The following CCSER1 variants were observed in gnomAD, a reference collection of about 807,000 sequenced individuals.
CCSER1 encodes serine-rich coiled-coil domain-containing protein 1.
A neutral mutation model predicts 82.0 loss-of-function variants in CCSER1; 41 were observed. The ratio of observed to expected loss-of-function variants is 0.50; its 90% confidence interval spans 0.39 to 0.65. The LOEUF is 0.65. Ranked by LOEUF, CCSER1 falls within the 30% of genes least tolerant of loss-of-function variation. CCSER1 has a pLI of 0.00. For synonymous variants in CCSER1, 414 were observed against 383.9 expected, an observed-to-expected ratio of 1.08 and a Z score of -0.92; for missense variants, 1,119 against 1,064.2, an observed-to-expected ratio of 1.05 and a Z score of -0.72.
intron 8 of CCSER1, among the ~76,000 whole-genome samples, chr4:90,820,825 A>G (rs1759637214): frequency 6.6e-6 from 1 of 151,890 alleles, no homozygotes; most frequent in Non-Finnish European, 1.5e-5. Flanking sequence ...GTATAACACG[A>G]TGTGAAAAAC....
intron 1 of CCSER1, among the ~76,000 whole-genome samples, chr4:90,165,349 T>C (rs1293020439): frequency 6.6e-6 from 1 of 152,058 alleles, no homozygotes; most frequent in Non-Finnish European, 1.5e-5. Context: ...TAACTGCTGA[T>C]TTGGTGATGA....
At chr4:90,473,061 A>G (rs551260446) in intron 5 of CCSER1, among the ~76,000 whole-genome samples, 190 of 152,304 alleles carry the variant, frequency 1.2e-3, no homozygotes, top group African/African-American at 4.4e-3. Context: ...AGTATAACCA[A>G]GTATCCAGCT....
intron 8 of CCSER1, among the ~76,000 whole-genome samples, chr4:90,853,052 A>G (rs1764067370): frequency 6.6e-6 from 1 of 152,142 alleles, no homozygotes; most frequent in Non-Finnish European, 1.5e-5. Flanking sequence ...ATAAAGAAGT[A>G]CAAGGTTTAA....
At position 91,205,472 on chromosome 4, in the gene CCSER1, T is replaced by A. The variant is rs139167891; in HGVS notation, c.2217+119478T>A. ...TTAAGTTCATTTTACATGAGTGATG[T>A]TTAAAACAGCTAGTGACAAGAACCC... On this transcript the variant is annotated intron_variant, in intron 10 of 10. Transcript: ENST00000509176. Among the ~76,000 whole-genome samples the A allele has an allele frequency of 6.6e-4, 101 of 151,956 alleles. 2 individuals are homozygous for A. In the East Asian group the frequency reaches 0.018, roughly 27 times the overall value.
Position 90,421,027 on chromosome 4 carries a change from G to A in CCSER1, c.1603+20898G>A, listed in dbSNP as rs115007560. 1.0e-2 allele frequency among the ~76,000 whole-genome samples: 1,515 copies of A among 152,186 alleles called. 7 individuals are homozygous for A. The highest frequency in any genetic ancestry group is 0.016 in the Non-Finnish European group (1,075 of 67,958). ...TGAACAAGTAATTAAGAAAGCAAAC[G>A]CTGGTCTTTCTTCTAAAGGAATAGA... On this transcript the variant is annotated intron_variant, in intron 4 of 10. Coordinates refer to ENST00000509176, the MANE Select transcript of CCSER1 (RefSeq NM_001145065.2).
At chr4:90,285,860 A>T (rs1423689881) in intron 1 of CCSER1, among the ~76,000 whole-genome samples, 1 of 151,990 alleles carries the variant, frequency 6.6e-6, no homozygotes, top group Non-Finnish European at 1.5e-5. Context: ...GTTGAATTAT[A>T]TTAAATGATT....
At chr4:90,874,301 T>C (rs1013350933) in intron 8 of CCSER1, among the ~76,000 whole-genome samples, 4 of 152,166 alleles carry the variant, frequency 2.6e-5, no homozygotes, top group Non-Finnish European at 2.9e-5. Context: ...AGGTTTGTAT[T>C]TGAAGTTTTT....
intron 9 of CCSER1, among the ~76,000 whole-genome samples, chr4:90,948,061 T>A (rs1305259597): frequency 1.3e-5 from 2 of 152,032 alleles, no homozygotes; most frequent in South Asian, 4.1e-4. Context: ...TTTTAGTTCA[T>A]AAACAAAGTA....
intron 4 of CCSER1, among the ~76,000 whole-genome samples, chr4:90,407,542 C>A (rs1427872717): frequency 6.6e-6 from 1 of 152,096 alleles, no homozygotes; most frequent in African/African-American, 2.4e-5. Flanking sequence ...CAGGGAAAGA[C>A]ATAACAAAAG....
At chr4:91,459,176 C>A (rs1756364536) in intron 10 of CCSER1, among the ~76,000 whole-genome samples, 1 of 151,780 alleles carries the variant, frequency 6.6e-6, no homozygotes, top group South Asian at 2.1e-4. Context: ...GAAAAAGAAG[C>A]ACTGGGGATA....
At chr4:91,015,197 GT>G (rs1739323335) in intron 9 of CCSER1, among the ~76,000 whole-genome samples, 1 of 151,886 alleles carries the variant, frequency 6.6e-6, no homozygotes, top group Admixed American at 6.6e-5. Context: ...AAAACATGTG[GT>G]TATCTTCAAC....
At chr4:90,549,308 A>G (rs1407437785) in intron 5 of CCSER1, among the ~76,000 whole-genome samples, 9 of 152,178 alleles carry the variant, frequency 5.9e-5, no homozygotes, top group Non-Finnish European at 1.3e-4. Context: ...TTACAGTGAA[A>G]CTCCTCTTTC....
At chr4:90,725,783 A>C (rs1433532022) in intron 7 of CCSER1, among the ~76,000 whole-genome samples, 1 of 151,860 alleles carries the variant, frequency 6.6e-6, no homozygotes, top group Non-Finnish European at 1.5e-5. Flanking sequence ...GAATTATATA[A>C]CAAATAGAAG....
At chr4:91,230,139 C>CAAACTTTAGCCAT (rs1247374265) in intron 10 of CCSER1, among the ~76,000 whole-genome samples, 1 of 152,090 alleles carries the variant, frequency 6.6e-6, no homozygotes, top group East Asian at 1.9e-4. Flanking sequence ...ACTTTAGCCA[C>CAAACTTTAGCCAT]AAACTTTAGC....
chr4:91,047,535 T>C (rs1742617008), intron 9 of CCSER1, among the ~76,000 whole-genome samples: 1 of 152,172 alleles, frequency 6.6e-6, no homozygotes, highest in Non-Finnish European at 1.5e-5. Flanking sequence ...CCTGACTTTC[T>C]ACCAATTGGA....
At chr4:91,521,792 A>C (rs1578686543) in intron 10 of CCSER1, among the ~76,000 whole-genome samples, 1 of 152,186 alleles carries the variant, frequency 6.6e-6, no homozygotes, top group East Asian at 1.9e-4. Flanking sequence ...CCTTCATCAG[A>C]TGGGCAGATT....
chr4:90,321,432 T>C (rs1737130094), intron 3 of CCSER1, among the ~76,000 whole-genome samples: 2 of 152,200 alleles, frequency 1.3e-5, no homozygotes, highest in Non-Finnish European at 2.9e-5. Context: ...CTATTGTGTG[T>C]ATGTACCACA....
intron 5 of CCSER1, among the ~76,000 whole-genome samples, chr4:90,599,443 C>T (rs184455228): frequency 3.0e-4 from 46 of 152,172 alleles, no homozygotes; most frequent in Non-Finnish European, 5.4e-4. Flanking sequence ...TGAGGCCTCT[C>T]CAGCCATGTG....
intron 1 of CCSER1, among the ~76,000 whole-genome samples, chr4:90,269,282 G>C (rs1725815629): frequency 6.6e-6 from 1 of 152,026 alleles, no homozygotes; most frequent in Middle Eastern, 3.4e-3. Flanking sequence ...CCATATGTTA[G>C]GTCAAAAAAC....
Sources: allele counts gnomAD v4.1 joint callset (sites outside exome capture counted in the v4.1 genomes callset), GRCh38; gene constraint gnomAD v4.1.1; transcripts MANE v1.5; gene names NCBI Gene and HGNC (gene_info 2026-07-23, HGNC 2026-07-21).